The following KLHL2 variants were observed in gnomAD, a reference collection of about 807,000 sequenced individuals.
KLHL2 encodes the protein kelch like family member 2, also known as kelch-like protein 2.
In KLHL2, 15 loss-of-function variants were observed where a neutral mutation model predicts 75.8. The ratio of observed to expected loss-of-function variants is 0.20; its 90% confidence interval spans 0.13 to 0.30. The LOEUF is 0.30. Among genes scored for constraint, KLHL2 ranks in the 10% least tolerant of loss-of-function variants. KLHL2 has a pLI of 1.00. For synonymous variants in KLHL2, 214 were observed against 251.9 expected (o/e 0.85, Z 1.42); for missense variants, 381 against 741.0 (o/e 0.51, Z 5.64).
intron 2 of KLHL2, among the ~76,000 whole-genome samples, chr4:165,225,533 A>G (rs1357028789): frequency 6.6e-6 from 1 of 152,234 alleles, no homozygotes; most frequent in Non-Finnish European, 1.5e-5. Flanking sequence ...TAATAGGAAC[A>G]TAAACTTAGA....
intron 4 of KLHL2, among the ~76,000 whole-genome samples, chr4:165,244,724 G>T (rs537142393): frequency 9.2e-5 from 14 of 152,094 alleles, no homozygotes; most frequent in East Asian, 3.9e-4. Flanking sequence ...TCTTGGCTTT[G>T]CTGTTTAAAT....
chr4:165,282,323 A>G (rs1426378093), intron 5 of KLHL2, among the ~76,000 whole-genome samples: 3 of 152,232 alleles, frequency 2.0e-5, no homozygotes, highest in Non-Finnish European at 4.4e-5. Flanking sequence ...ATGAAAAAGA[A>G]TTCATTCACT....
chr4:165,321,650 A>G (rs1746990890), intron 14 of KLHL2, among the ~76,000 whole-genome samples: 1 of 152,198 alleles, frequency 6.6e-6, no homozygotes, highest in Admixed American at 6.5e-5. Flanking sequence ...GGTCAACTGT[A>G]TATTTAAACT....
intron 5 of KLHL2, among the ~76,000 whole-genome samples, chr4:165,264,043 T>G (rs1238311535): frequency 2.1e-4 from 32 of 152,120 alleles, no homozygotes; most frequent in Admixed American, 2.0e-3. Context: ...TTCAGGCCCT[T>G]CAGACCCCTC....
intron 11 of KLHL2, among the ~76,000 whole-genome samples, chr4:165,312,642 T>G (rs1048368850): frequency 1.3e-5 from 2 of 152,214 alleles, no homozygotes; most frequent in African/African-American, 4.8e-5. Context: ...TTCCCTTGGC[T>G]CTTACTCGTA....
intron 3 of KLHL2, among the ~76,000 whole-genome samples, chr4:165,236,609 A>G (rs1288677909): frequency 1.3e-5 from 2 of 152,244 alleles, no homozygotes; most frequent in African/African-American, 4.8e-5. Context: ...CATAGGGCAA[A>G]AACTAAGGTA....
intron 1 of KLHL2, among the ~76,000 whole-genome samples, chr4:165,219,444 T>C (rs1231262202): frequency 3.3e-5 from 5 of 152,258 alleles, no homozygotes; most frequent in Admixed American, 2.6e-4. Flanking sequence ...TTAATCTCGA[T>C]TAATCTCTTG....
In KLHL2 at chr4:165,294,160, A is replaced by T. The variant is rs557316461; in HGVS notation, c.545-199A>T. Among the ~76,000 whole-genome samples the T allele has an allele frequency of 3.9e-5, 6 of 152,332 alleles. No individual in the cohort carries two copies. The South Asian group carries it at 1.0e-3, about 26-fold the overall frequency. On this transcript the variant is annotated intron_variant, in intron 5 of 14. Transcript: ENST00000226725. ...CCTTGCACTGCTACTGTGCTGTTGT[A>T]TAAACAAATCACTGAAGGTACATCC...
intron 2 of KLHL2, among the ~76,000 whole-genome samples, chr4:165,222,445 C>A (rs1208263261): frequency 2.0e-5 from 3 of 152,048 alleles, no homozygotes; most frequent in Non-Finnish European, 4.4e-5. Flanking sequence ...TGTGTGGCAC[C>A]CTTTCAGCAG....
chr4:165,313,132 G>T, intron 11 of KLHL2, 106 bp from the exon 12 acceptor site: 1 of 1,142,176 alleles, frequency 8.8e-7, no homozygotes, highest in Non-Finnish European at 1.2e-6. Flanking sequence ...GGGAAACTCT[G>T]CTGCCATGAA....
intron 5 of KLHL2, among the ~76,000 whole-genome samples, chr4:165,282,562 T>G (rs545136045): frequency 2.0e-5 from 3 of 152,272 alleles, no homozygotes; most frequent in African/African-American, 7.2e-5. Context: ...ACTGATGCAC[T>G]AGAGCCCTGA....
rs184181360 is a variant in KLHL2, at chr4:165,255,234, A to T, written c.382-7963A>T. Among the ~76,000 whole-genome samples the T allele has an allele frequency of 1.2e-4, 18 of 152,324 alleles. No homozygotes were observed. The East Asian group carries it at 3.3e-3, about 28-fold the overall frequency. On this transcript the variant is annotated intron_variant, in intron 4 of 14. Coordinates refer to ENST00000226725, the MANE Select transcript of KLHL2 (RefSeq NM_007246.4). Reference sequence around the variant, plus strand: ...CATACTACCTTTGCTTTTCTACTTCATTAATTATAACATTGGAAATGCCAC... The same window carrying T: ...CATACTACCTTTGCTTTTCTACTTCTTTAATTATAACATTGGAAATGCCAC...
intron 4 of KLHL2, among the ~76,000 whole-genome samples, chr4:165,242,642 A>G (rs1241316488): frequency 6.6e-6 from 1 of 152,046 alleles, no homozygotes; most frequent in Non-Finnish European, 1.5e-5. Flanking sequence ...GACTACAGAC[A>G]TGCACCATCA....
chr4:165,269,846 C>T (rs1742545159), intron 5 of KLHL2, among the ~76,000 whole-genome samples: 1 of 151,898 alleles, frequency 6.6e-6, no homozygotes, highest in Admixed American at 6.6e-5. Flanking sequence ...TCTATATTTC[C>T]TGAATTTGAA....
At chr4:165,262,107 GA>G (rs1741726495) in intron 4 of KLHL2, among the ~76,000 whole-genome samples, 1 of 152,034 alleles carries the variant, frequency 6.6e-6, no homozygotes, top group African/African-American at 2.4e-5. Flanking sequence ...CACTTACAAG[GA>G]AAAATGTTTT....
At position 165,322,317 on chromosome 4, in the gene KLHL2, CT is replaced by C; in HGVS notation, c.*260del. The C allele has an allele frequency of 2.3e-6, 1 of 428,040 alleles. No individual in the cohort carries two copies. Among genetic ancestry groups the C allele is most frequent in the Non-Finnish European group, 4.2e-6 (1 of 240,050 alleles). 26.5% of individuals were successfully genotyped at this position (428,040 alleles called of 1,614,324 possible). A position where few individuals can be genotyped will look rare whatever the true frequency, so the allele number is the denominator to read the frequency against. ...TGGACTGCAGGACTTAATCTGTAGT[CT>C]TTAGACAACAGTTGCTTTCATAAAG... On this transcript the variant is annotated 3_prime_UTR_variant, in exon 15 of 15. Coordinates refer to ENST00000226725, the MANE Select transcript of KLHL2 (RefSeq NM_007246.4).
rs780423345 is a variant in KLHL2 at position 165,220,096 on chromosome 4, C to T, written c.152+37C>T. ...CTAATGTACATGCAACCATTGGTTT[C>T]GTCCCTTTATTTTTCAGTTGTTTGT... On this transcript the variant is annotated intron_variant, in intron 2 of 14. Coordinates refer to ENST00000226725, the MANE Select transcript of KLHL2 (RefSeq NM_007246.4). 19 of 1,573,182 alleles carry T rather than the reference C, an allele frequency of 1.2e-5. No individual in the cohort carries two copies. The East Asian group carries it at 1.8e-4, about 15-fold the overall frequency.
At chr4:165,223,168 C>T (rs1325870927) in intron 2 of KLHL2, among the ~76,000 whole-genome samples, 2 of 152,158 alleles carry the variant, frequency 1.3e-5, no homozygotes, top group Non-Finnish European at 2.9e-5. Context: ...GTTTAAAAAC[C>T]CTGCAGTCAT....
intron 3 of KLHL2, among the ~76,000 whole-genome samples, chr4:165,230,674 C>T (rs1738812458): frequency 6.6e-6 from 1 of 151,902 alleles, no homozygotes; most frequent in Admixed American, 6.6e-5. Flanking sequence ...CCTCAAATGG[C>T]TTTGGAGACT....
Sources: allele counts gnomAD v4.1 joint callset (sites outside exome capture counted in the v4.1 genomes callset), GRCh38; gene constraint gnomAD v4.1.1; transcripts MANE v1.5; gene names NCBI Gene and HGNC (gene_info 2026-07-23, HGNC 2026-07-21).